The following PRKAR1A variants were observed in gnomAD, a reference collection of about 807,000 sequenced individuals.
PRKAR1A encodes the protein protein kinase cAMP-dependent type I regulatory subunit alpha, also known as cAMP-dependent protein kinase type I-alpha regulatory subunit.
A neutral mutation model predicts 52.0 loss-of-function variants in PRKAR1A; 3 were observed. The observed-to-expected ratio is 0.06, with a 90% CI of 0.03 to 0.15. The LOEUF is 0.15. PRKAR1A is among the 10% of genes least tolerant of loss of function. The probability of loss-of-function intolerance (pLI) is 1.00; values close to 1 mark genes in which losing one functional copy is unlikely to be tolerated. For synonymous variants in PRKAR1A, 188 were observed against 168.4 expected, an observed-to-expected ratio of 1.12 and a Z score of -0.90; for missense variants, 240 against 477.4, an observed-to-expected ratio of 0.50 and a Z score of 4.63.
chr17:68,426,253 G>GGGGGGGGGA, the PRKAR1A span: 4 of 841,016 alleles, frequency 4.8e-6, no homozygotes, highest in South Asian at 1.3e-5. Flanking sequence ...GGGGAGCGGG[G>GGGGGGGGGA]GCTCAAATAA....
At chr17:68,438,905 CAT>C in the PRKAR1A span, among the ~76,000 whole-genome samples, 7 of 152,256 alleles carry the variant, frequency 4.6e-5, no homozygotes, top group South Asian at 1.2e-3. Context: ...TGGCCTAGCA[CAT>C]ATGTTTTTAA....
chr17:68,427,407 A>C, the PRKAR1A span: 3 of 553,760 alleles, frequency 5.4e-6, no homozygotes, highest in Non-Finnish European at 9.4e-6. Context: ...CCCAGGCTGG[A>C]GTGCAGTGGC....
the PRKAR1A span, chr17:68,421,743 G>T: frequency 6.2e-7 from 1 of 1,614,082 alleles, no homozygotes; most frequent in Non-Finnish European, 8.5e-7. Flanking sequence ...TGATAGGGGG[G>T]ATGTCCTGAT....
At chr17:68,437,932 A>G in the PRKAR1A span, among the ~76,000 whole-genome samples, 1 of 131,136 alleles carries the variant, frequency 7.6e-6, no homozygotes, top group African/African-American at 2.9e-5. Flanking sequence ...AGATCACGCA[A>G]GAGAGACATC....
At chr17:68,437,866 T>C in the PRKAR1A span, among the ~76,000 whole-genome samples, 4 of 144,700 alleles carry the variant, frequency 2.8e-5, no homozygotes, top group African/African-American at 5.2e-5. Context: ...GAGGTGCACA[T>C]GATAGCAGTG....
the PRKAR1A span, chr17:68,452,967 C>G: frequency 1.2e-5 from 20 of 1,613,930 alleles, no homozygotes; most frequent in Non-Finnish European, 1.6e-5. Flanking sequence ...AGCTTATACC[C>G]GGCTTTAGTT....
the PRKAR1A span, chr17:68,433,624 A>T: frequency 6.8e-7 from 1 of 1,480,526 alleles, no homozygotes; most frequent in Non-Finnish European, 9.4e-7. Flanking sequence ...AATGGGAGTT[A>T]TGGCCTTATA....
At chr17:68,519,979 A>G (rs1373416210) in intron 2 of PRKAR1A, among the ~76,000 whole-genome samples, 1 of 152,252 alleles carries the variant, frequency 6.6e-6, no homozygotes, top group Non-Finnish European at 1.5e-5. Flanking sequence ...TTGCTGGAGC[A>G]ACATACAACC....
the PRKAR1A span, chr17:68,420,317 G>C: frequency 6.2e-7 from 1 of 1,614,172 alleles, no homozygotes; most frequent in Non-Finnish European, 8.5e-7. Context: ...GTACCAGGCT[G>C]TGCTGCCCGA....
intron 8 of PRKAR1A, among the ~76,000 whole-genome samples, 178 bp downstream of exon 8, chr17:68,528,078 G>C (rs183071691): frequency 2.0e-5 from 3 of 152,154 alleles, no homozygotes; most frequent in Non-Finnish European, 4.4e-5. Flanking sequence ...GTGACTTCCC[G>C]TCTCTCTTGT....
intron 6 of PRKAR1A, among the ~76,000 whole-genome samples, chr17:68,525,349 A>T (rs538486095): frequency 1.6e-4 from 25 of 152,064 alleles, no homozygotes; most frequent in African/African-American, 4.3e-4. Flanking sequence ...AAATTAATAT[A>T]CCTTTCTTAT....
the PRKAR1A span, among the ~76,000 whole-genome samples, chr17:68,437,012 A>ATGTGTGTGTGTGTGTGTG: frequency 1.8e-4 from 15 of 82,064 alleles, no homozygotes; most frequent in African/African-American, 7.2e-4. Flanking sequence ...AAAAATATAT[A>ATGTGTGTGTGTGTGTGTG]TATATGTGTG....
the PRKAR1A span, among the ~76,000 whole-genome samples, chr17:68,480,418 T>C: frequency 6.6e-6 from 1 of 152,198 alleles, no homozygotes; most frequent in African/African-American, 2.4e-5. Context: ...TTTTAAACAT[T>C]AATTTATCAG....
chr17:68,421,154 A>G, the PRKAR1A span: 1 of 155,070 alleles, frequency 6.4e-6, no homozygotes, highest in Non-Finnish European at 1.4e-5. Context: ...GTCCATGGAT[A>G]AGTCTGTGGC....
intron 2 of PRKAR1A, 80 bp from the exon 3 acceptor site, chr17:68,522,676 G>C: frequency 6.8e-7 from 1 of 1,460,406 alleles, no homozygotes; most frequent in Middle Eastern, 1.9e-4. Context: ...AAGTGACTGA[G>C]ATAGACTATC....
the PRKAR1A span, among the ~76,000 whole-genome samples, chr17:68,480,400 C>T: frequency 2.5e-4 from 38 of 152,156 alleles, no homozygotes; most frequent in Non-Finnish European, 4.1e-4. Flanking sequence ...ATCATTATCC[C>T]GGGACATTTT....
At chr17:68,546,673 A>G (rs1266248740) in intron 11 of PRKAR1A, among the ~76,000 whole-genome samples, 2 of 152,156 alleles carry the variant, frequency 1.3e-5, no homozygotes, top group Admixed American at 1.3e-4. Context: ...TACTAAAAAT[A>G]CAAAAAATTA....
At chr17:68,512,309 AG>A (rs1047672320), upstream of PRKAR1A, 1 of 153,186 alleles carries the variant, frequency 6.5e-6, no homozygotes, top group Non-Finnish European at 1.5e-5. Context: ...AAGAGCGACC[AG>A]GGGGGAGGAA....
chr17:68,482,889 C>T, the PRKAR1A span, among the ~76,000 whole-genome samples: 1 of 152,200 alleles, frequency 6.6e-6, no homozygotes, highest in African/African-American at 2.4e-5. Context: ...GTTTTCCAGG[C>T]AGAAAGTATT....
Sources: allele counts gnomAD v4.1 joint callset (sites outside exome capture counted in the v4.1 genomes callset), GRCh38; gene constraint gnomAD v4.1.1; transcripts MANE v1.5; gene names NCBI Gene and HGNC (gene_info 2026-07-23, HGNC 2026-07-21).